Variants in ST6GALNAC5 observed in about 807,000 individuals in gnomAD.
The protein encoded by ST6GALNAC5 is ST6 N-acetylgalactosaminide alpha-2,6-sialyltransferase 5.
Under a neutral mutation model 33.6 loss-of-function variants are expected in ST6GALNAC5, and 27 were observed. That is an observed-to-expected ratio of 0.80 (90% CI 0.59 to 1.11). The LOEUF is 1.11. Ranked by LOEUF, ST6GALNAC5 falls within the 50% of genes least tolerant of loss-of-function variation. The pLI, the probability that ST6GALNAC5 is intolerant of heterozygous loss-of-function variation, is 0.00. For missense variants in ST6GALNAC5, 428 were observed against 454.0 expected (o/e 0.94, Z 0.52); for synonymous variants, 194 against 171.2 (o/e 1.13, Z -1.04).
intron 3 of ST6GALNAC5, among the ~76,000 whole-genome samples, chr1:77,048,653 C>A (rs1652096274): frequency 6.6e-6 from 1 of 152,136 alleles, no homozygotes. Flanking sequence ...CCCCCAGTAG[C>A]AGAATGTTGG....
intron 4 of ST6GALNAC5, among the ~76,000 whole-genome samples, chr1:77,055,655 G>A (rs571837615): frequency 6.6e-6 from 1 of 152,132 alleles, no homozygotes; most frequent in East Asian, 1.9e-4. Flanking sequence ...AGATACAGTG[G>A]CCCTTCTTTC....
At chr1:76,921,141 A>G (rs188739392) in intron 2 of ST6GALNAC5, among the ~76,000 whole-genome samples, 160 of 152,266 alleles carry the variant, frequency 1.1e-3, no homozygotes, top group African/African-American at 3.7e-3. Context: ...CTTGAAGATG[A>G]AAGAAAAAAG....
At position 76,868,909 on chromosome 1, in the gene ST6GALNAC5, T is replaced by C. The variant is rs997717435; in HGVS notation, c.261+167T>C. On this transcript the variant is annotated intron_variant, in intron 2 of 4. Transcript: ENST00000477717. This position sits in a 1 kb window ranked among gnomAD's most constrained non-coding sequence, Gnocchi z 4.3. The stretch of plus-strand genomic sequence containing the variant: ...TGGGCTAGTTCCAACTTGGTATGAA[T>C]TCTTATTTGGAGAAAGACACAAAGT... 21 of 1,128,564 alleles carry C rather than the reference T, an allele frequency of 1.9e-5. No homozygotes were observed. The highest frequency in any genetic ancestry group is 3.4e-5 in the Admixed American group (1 of 29,728). 69.9% of individuals were successfully genotyped at this position (1,128,564 alleles called of 1,614,324 possible).
intron 2 of ST6GALNAC5, among the ~76,000 whole-genome samples, chr1:76,971,911 T>G (rs1414953508): frequency 6.6e-6 from 1 of 152,218 alleles, no homozygotes; most frequent in African/African-American, 2.4e-5. Flanking sequence ...TGAAAAGTCC[T>G]TTTCCTGCTT....
chr1:77,023,942 T>G (rs1252854149), intron 2 of ST6GALNAC5, among the ~76,000 whole-genome samples: 1 of 152,106 alleles, frequency 6.6e-6, no homozygotes, highest in Admixed American at 6.5e-5. Flanking sequence ...CATTTTAACT[T>G]CAAAATTCAG....
rs1652755544 is a variant in ST6GALNAC5, at chr1:77,065,824, C to T, written c.*2618C>T. 6.6e-6 allele frequency: 1 copy of T among 152,208 alleles called. No individual in the cohort carries two copies. Among genetic ancestry groups the T allele is most frequent in the Non-Finnish European group, 1.5e-5 (1 of 68,034 alleles). The allele number at this position is 152,208 out of a possible 1,614,324, so 9.4% of individuals were successfully genotyped here. A position where few individuals can be genotyped will look rare whatever the true frequency, so the allele number is the denominator to read the frequency against. On this transcript the variant is annotated 3_prime_UTR_variant, in exon 5 of 5. Coordinates refer to ENST00000477717, the MANE Select transcript of ST6GALNAC5 (RefSeq NM_030965.3). ...CCTTTTTCCTCTCTCCCAGCTGTGT[C>T]ATCAGCTCCCTCCTAGCTTTTAAGA... is the stretch of plus-strand genomic sequence containing the variant.
chr1:76,919,866 C>T (rs1207770912), intron 2 of ST6GALNAC5, among the ~76,000 whole-genome samples: 1 of 152,128 alleles, frequency 6.6e-6, no homozygotes, highest in Non-Finnish European at 1.5e-5. Context: ...AGTATCACTA[C>T]ACTAATGAAT....
chr1:76,878,212 C>G lies in ST6GALNAC5; in HGVS notation c.261+9470C>G, dbSNP rs181799671. ...ACTATATTTCTAGGTAGAGCCATCT[C>G]TAATGGCTTCCATTTGGCCTTTCCC... On this transcript the variant is annotated intron_variant, in intron 2 of 4. Transcript: ENST00000477717. Among the ~76,000 whole-genome samples, 566 of 152,288 alleles carry G rather than the reference C, an allele frequency of 3.7e-3. 5 individuals are homozygous for G. Among genetic ancestry groups the G allele is most frequent in the African/African-American group, 0.013 (548 of 41,564 alleles).
chr1:76,867,735 C>T (rs1653374160), intron 1 of ST6GALNAC5, 45 bp downstream of exon 1: 4 of 1,613,988 alleles, frequency 2.5e-6, no homozygotes, highest in African/African-American at 2.7e-5. Context: ...GGGGGATCCC[C>T]GGGCTCAGGG....
Position 77,051,827 on chromosome 1 carries a change from C to T in ST6GALNAC5, c.779+1462C>T, listed in dbSNP as rs116568795. ...TTATGGGCATGCAAAGAGCCATCAACGTTGATGGGTATACAGCAGATATAA... is the reference window on the plus strand; with the variant it reads ...TTATGGGCATGCAAAGAGCCATCAATGTTGATGGGTATACAGCAGATATAA... On this transcript the variant is annotated intron_variant, in intron 4 of 4. Transcript: ENST00000477717. 5.7e-3 allele frequency among the ~76,000 whole-genome samples: 860 copies of T among 152,160 alleles called. 7 individuals are homozygous for T. The highest frequency in any genetic ancestry group is 0.019 in the African/African-American group (794 of 41,514).
chr1:77,007,195 C>G (rs897281023), intron 2 of ST6GALNAC5, among the ~76,000 whole-genome samples: 2 of 152,190 alleles, frequency 1.3e-5, no homozygotes, highest in Non-Finnish European at 2.9e-5. Flanking sequence ...TCCACCACAA[C>G]TTAACTGCTT....
Position 76,899,983 on chromosome 1 carries a change from G to A in ST6GALNAC5, c.261+31241G>A, listed in dbSNP as rs1023251710. 1.0e-3 allele frequency among the ~76,000 whole-genome samples: 159 copies of A among 152,280 alleles called. 2 individuals are homozygous for A. Among genetic ancestry groups the A allele is most frequent in the Non-Finnish European group, 2.0e-3 (137 of 68,032 alleles). On this transcript the variant is annotated intron_variant, in intron 2 of 4. Coordinates refer to ENST00000477717, the MANE Select transcript of ST6GALNAC5 (RefSeq NM_030965.3). ...CAAGTCACGGCACCAAATTTCACTC[G>A]TGTCTGTGTGAAGAGACCACCAAAC...
chr1:76,868,441 C>T lies in ST6GALNAC5; in HGVS notation c.16-56C>T. On this transcript the variant is annotated intron_variant, in intron 1 of 4. Transcript: ENST00000477717. This position sits in a 1 kb window ranked among gnomAD's most constrained non-coding sequence, Gnocchi z 4.3. ...CGCACAGTTGTCCCCGCTGGGCGCG[C>T]TCCTCCGGTGTCTGCGCTCAGCCGC... The T allele has an allele frequency of 6.4e-7, 1 of 1,551,296 alleles. No homozygotes were observed. Among genetic ancestry groups the T allele is most frequent in the Non-Finnish European group, 8.7e-7 (1 of 1,146,490 alleles).
At chr1:76,942,166 C>T (rs763259608) in intron 2 of ST6GALNAC5, among the ~76,000 whole-genome samples, 1 of 152,090 alleles carries the variant, frequency 6.6e-6, no homozygotes, top group Non-Finnish European at 1.5e-5. Context: ...TCCCTCTTCT[C>T]ATGTACATGG....
At chr1:76,984,570 A>C (rs667229) in intron 2 of ST6GALNAC5, among the ~76,000 whole-genome samples, 1 of 152,010 alleles carries the variant, frequency 6.6e-6, no homozygotes, top group Non-Finnish European at 1.5e-5. Context: ...ATTCACAGCC[A>C]AATTCTATTA....
At chr1:76,890,108 A>G (rs1653981872) in intron 2 of ST6GALNAC5, among the ~76,000 whole-genome samples, 1 of 152,136 alleles carries the variant, frequency 6.6e-6, no homozygotes, top group African/African-American at 2.4e-5. Context: ...CCACTTCTTC[A>G]AAGAAAGATT....
At chr1:77,029,414 C>T (rs1375792085) in intron 2 of ST6GALNAC5, among the ~76,000 whole-genome samples, 2 of 152,218 alleles carry the variant, frequency 1.3e-5, no homozygotes, top group African/African-American at 4.8e-5. Flanking sequence ...TGTTCTTTGG[C>T]TCTGTCACGT....
intron 2 of ST6GALNAC5, among the ~76,000 whole-genome samples, chr1:76,915,269 G>A (rs1395190786): frequency 2.0e-5 from 3 of 151,914 alleles, no homozygotes; most frequent in Middle Eastern, 3.4e-3. Flanking sequence ...TTCAACCATC[G>A]TGGAAGTCAG....
At chr1:77,034,951 GT>G (rs1651595776) in intron 2 of ST6GALNAC5, among the ~76,000 whole-genome samples, 1 of 152,148 alleles carries the variant, frequency 6.6e-6, no homozygotes, top group African/African-American at 2.4e-5. Flanking sequence ...TTCGTGTATG[GT>G]TTTGAACAAA....
Sources: gnomAD v4.1 joint callset for allele counts (sites outside exome capture counted in the v4.1 genomes callset) on GRCh38, gnomAD v4.1.1 for gene constraint, Gnocchi (gnomAD v3.1) non-coding constraint, MANE v1.5 for transcripts, NCBI Gene and HGNC (gene_info 2026-07-23, HGNC 2026-07-21) for gene names.